The following ASTN2 variants were observed in gnomAD, a reference collection of about 807,000 sequenced individuals.
ASTN2 encodes the protein astrotactin-2.
In ASTN2, 54 loss-of-function variants were observed where a neutral mutation model predicts 139.8. That is an observed-to-expected ratio of 0.39 (90% CI 0.31 to 0.48). The LOEUF (loss-of-function observed/expected upper bound fraction) is 0.48. Among genes scored for constraint, ASTN2 ranks in the 20% least tolerant of loss-of-function variants. The probability of loss-of-function intolerance (pLI) is 0.95; values close to 1 mark genes in which losing one functional copy is unlikely to be tolerated. For synonymous variants in ASTN2, 756 were observed against 719.5 expected, an observed-to-expected ratio of 1.05 and a Z score of -0.81; for missense variants, 1,565 against 1,725.1, an observed-to-expected ratio of 0.91 and a Z score of 1.64.
chr9:116,486,545 G>C (rs1332637733), intron 20 of ASTN2, among the ~76,000 whole-genome samples: 1 of 152,212 alleles, frequency 6.6e-6, no homozygotes, highest in Non-Finnish European at 1.5e-5. Context: ...ATAAATAAAT[G>C]AGTTGAATAA....
At chr9:117,181,118 A>G in intron 3 of ASTN2, 1 of 886,958 alleles carries the variant, frequency 1.1e-6, no homozygotes, top group South Asian at 1.3e-5. Flanking sequence ...GGCTGCATAC[A>G]CTACCAAGAA....
intron 1 of ASTN2, among the ~76,000 whole-genome samples, chr9:117,331,895 G>T (rs1365130310): frequency 1.3e-5 from 2 of 152,088 alleles, no homozygotes; most frequent in African/African-American, 4.8e-5. Flanking sequence ...AGCCTTCTTA[G>T]TTCCTCTCTC....
At chr9:117,402,554 A>T (rs1830862885) in intron 1 of ASTN2, among the ~76,000 whole-genome samples, 1 of 152,162 alleles carries the variant, frequency 6.6e-6, no homozygotes, top group South Asian at 2.1e-4. Context: ...CCCAGACAAG[A>T]AGGAGAGAAA....
At chr9:116,566,042 G>C (rs1189347753) in intron 19 of ASTN2, among the ~76,000 whole-genome samples, 1 of 152,156 alleles carries the variant, frequency 6.6e-6, no homozygotes, top group Non-Finnish European at 1.5e-5. Context: ...CCAAGCTGCA[G>C]CCAGTGATCA....
At chr9:116,801,585 C>CAAAAAAAAAAAAAAA (rs397893932) in intron 13 of ASTN2, among the ~76,000 whole-genome samples, 20 of 60,364 alleles carry the variant, frequency 3.3e-4, no homozygotes, top group Non-Finnish European at 4.4e-4. Context: ...GGCTCTGTCT[C>CAAAAAAAAAAAAAAA]AAAAAAAAAA....
At chr9:116,711,512 G>T (rs1178819926) in intron 16 of ASTN2, among the ~76,000 whole-genome samples, 2 of 152,114 alleles carry the variant, frequency 1.3e-5, no homozygotes, top group African/African-American at 4.8e-5. Context: ...TATTTTTCAT[G>T]TCTTACCTTC....
intron 5 of ASTN2, among the ~76,000 whole-genome samples, chr9:117,041,216 G>A (rs146207477): frequency 4.7e-4 from 71 of 152,142 alleles, no homozygotes; most frequent in African/African-American, 1.6e-3. Context: ...TGTTCTTCAA[G>A]GTTTTGCTTA....
intron 2 of ASTN2, among the ~76,000 whole-genome samples, chr9:117,265,162 C>T (rs562203290): frequency 6.6e-6 from 1 of 152,078 alleles, no homozygotes; most frequent in Admixed American, 6.5e-5. Context: ...AAGTGGCTTA[C>T]TTGGAAAGTG....
At position 116,826,262 on chromosome 9, in the gene ASTN2, C is replaced by A. The variant is rs138616248; in HGVS notation, c.2041-5479G>T. Among the ~76,000 whole-genome samples, 13 of 152,320 alleles carry A rather than the reference C, an allele frequency of 8.5e-5. No homozygotes were observed. In the East Asian group the frequency reaches 2.5e-3, roughly 29 times the overall value. On this transcript the variant is annotated intron_variant, in intron 11 of 22. Coordinates refer to ENST00000313400, the MANE Select transcript of ASTN2 (RefSeq NM_001365068.1). ...TGCCCTGCAAGGGGCTGCTGTGAGA[C>A]CAAGACTCAAGTGGGCCACACTCAC...
At chr9:116,711,663 G>A (rs1828166420) in intron 16 of ASTN2, among the ~76,000 whole-genome samples, 1 of 152,044 alleles carries the variant, frequency 6.6e-6, no homozygotes, top group Non-Finnish European at 1.5e-5. Context: ...TTTCACCTAA[G>A]GAACTCCAGC....
At chr9:116,775,507 G>T (rs1830058131) in intron 13 of ASTN2, among the ~76,000 whole-genome samples, 1 of 115,634 alleles carries the variant, frequency 8.6e-6, no homozygotes. Context: ...GGGAGGAAAA[G>T]AGGAAGGAAG....
intron 2 of ASTN2, among the ~76,000 whole-genome samples, chr9:117,268,440 C>T (rs749233822): frequency 2.6e-5 from 4 of 152,294 alleles, no homozygotes; most frequent in East Asian, 1.9e-4. Context: ...CCTGAACCAA[C>T]GTTTTCTTCC....
In ASTN2 at chr9:116,554,383, T is replaced by C. The variant is rs1004975725; in HGVS notation, c.3355+63941A>G. Among the ~76,000 whole-genome samples, 8 of 152,214 alleles carry C rather than the reference T, an allele frequency of 5.3e-5. 1 individual carries two copies. Among genetic ancestry groups the C allele is most frequent in the African/African-American group, 2.4e-5 (1 of 41,460 alleles). On this transcript the variant is annotated intron_variant, in intron 19 of 22. Coordinates refer to ENST00000313400, the MANE Select transcript of ASTN2 (RefSeq NM_001365068.1). ...GGTGTCAAGAGTCTAGTCCTATCATTGTCACAGGTTTGCTGTGATCAGAAG... is the reference window on the plus strand; with the variant it reads ...GGTGTCAAGAGTCTAGTCCTATCATCGTCACAGGTTTGCTGTGATCAGAAG...
chr9:116,511,607 A>C (rs1270053564), intron 19 of ASTN2, among the ~76,000 whole-genome samples: 3 of 152,192 alleles, frequency 2.0e-5, no homozygotes, highest in Admixed American at 6.5e-5. Context: ...CCTCTGGTAG[A>C]ATTTGGCTGT....
At chr9:117,186,160 A>AT (rs1831191256) in intron 3 of ASTN2, among the ~76,000 whole-genome samples, 1 of 152,196 alleles carries the variant, frequency 6.6e-6, no homozygotes, top group Non-Finnish European at 1.5e-5. Flanking sequence ...GACCATATCA[A>AT]TTTTTTGAAA....
chr9:116,590,444 G>A (rs1161621742), intron 19 of ASTN2, among the ~76,000 whole-genome samples: 1 of 152,182 alleles, frequency 6.6e-6, no homozygotes, highest in Admixed American at 6.5e-5. Context: ...CAAGACTTTG[G>A]GTGCCAATAA....
chr9:116,641,747 A>G (rs765882354), intron 17 of ASTN2, among the ~76,000 whole-genome samples: 4 of 152,100 alleles, frequency 2.6e-5, no homozygotes, highest in Non-Finnish European at 5.9e-5. Context: ...TGAAAGAGCT[A>G]TGTTTTCCAG....
chr9:116,909,292 C>T (rs1312874747), intron 10 of ASTN2, among the ~76,000 whole-genome samples: 1 of 152,086 alleles, frequency 6.6e-6, no homozygotes, highest in Non-Finnish European at 1.5e-5. Context: ...ATGGCTTGGA[C>T]TAGGAGAATG....
intron 10 of ASTN2, among the ~76,000 whole-genome samples, chr9:116,965,861 C>T (rs1835997460): frequency 6.6e-6 from 1 of 152,140 alleles, no homozygotes; most frequent in Non-Finnish European, 1.5e-5. Context: ...TCTAATTCAT[C>T]CCTTTACCAT....
Sources: allele counts gnomAD v4.1 joint callset (sites outside exome capture counted in the v4.1 genomes callset), GRCh38; gene constraint gnomAD v4.1.1; transcripts MANE v1.5; gene names NCBI Gene and HGNC (gene_info 2026-07-23, HGNC 2026-07-21).